REPS2: variants seen among roughly 807,000 people sequenced by gnomAD.
The protein encoded by REPS2 is ralBP1-associated Eps domain-containing protein 2.
Under a neutral mutation model 53.6 loss-of-function variants are expected in REPS2, and 23 were observed. That is an observed-to-expected ratio of 0.43 (90% CI 0.31 to 0.61). REPS2 has a LOEUF of 0.61. REPS2 is among the 20% of genes least tolerant of loss of function. REPS2 has a pLI of 0.11. For missense variants in REPS2, 446 were observed against 534.9 expected, an observed-to-expected ratio of 0.83 and a Z score of 1.64; for synonymous variants, 238 against 218.6, an observed-to-expected ratio of 1.09 and a Z score of -0.78.
At chrX:16,979,854 C>A (rs992049710) in intron 1 of REPS2, among the ~76,000 whole-genome samples, 1 of 108,145 alleles carries the variant, frequency 9.2e-6, no homozygotes, top group Non-Finnish European at 1.9e-5. Flanking sequence ...TCCAAGAAAT[C>A]GGTGGATAGA....
intron 8 of REPS2, among the ~76,000 whole-genome samples, chrX:17,055,326 C>T (rs1356082207): frequency 1.8e-5 from 1 of 55,127 alleles, no homozygotes; most frequent in African/African-American, 7.2e-5. Context: ...ATGGTAGTTT[C>T]TTTTGCTGTG....
chrX:17,087,251 C>G (rs1047575379), intron 13 of REPS2, among the ~76,000 whole-genome samples: 1 of 112,088 alleles, frequency 8.9e-6, no homozygotes, highest in Non-Finnish European at 1.9e-5. Flanking sequence ...GATCACTTCC[C>G]TACTCAAAAC....
intron 14 of REPS2, among the ~76,000 whole-genome samples, chrX:17,128,237 G>A (rs1445793967): frequency 2.7e-5 from 3 of 111,525 alleles, no homozygotes; most frequent in African/African-American, 9.8e-5. Flanking sequence ...GAAAAGTAGG[G>A]AAGGGGAAGG....
the REPS2 span, among the ~76,000 whole-genome samples, chrX:17,165,905 A>G: frequency 9.0e-6 from 1 of 111,700 alleles, no homozygotes; most frequent in Non-Finnish European, 1.9e-5. Context: ...GCACTGATAT[A>G]TATGTGAACA....
In REPS2 at chrX:17,093,830, A is replaced by G. The variant is rs367768522; in HGVS notation, c.1517-9888A>G. On this transcript the variant is annotated intron_variant, in intron 13 of 17. Transcript: ENST00000357277. ...TTGTTTGCCTTGGAGTGAATAATCA[A>G]CTTGTTTCTTTTCAAAGTACTTGCC... Among the ~76,000 whole-genome samples the G allele has an allele frequency of 2.7e-4, 30 of 110,941 alleles. No individual in the cohort carries two copies. In the East Asian group the frequency reaches 7.9e-3, roughly 29 times the overall value.
intron 14 of REPS2, among the ~76,000 whole-genome samples, chrX:17,110,279 G>A (rs113929586): frequency 0.024 from 2,583 of 107,475 alleles, 85 homozygotes; most frequent in African/African-American, 0.085. Context: ...TTTGTCTGAA[G>A]TGCTTGGGAC....
At chrX:17,134,116 C>T (rs1487635211) in intron 15 of REPS2, among the ~76,000 whole-genome samples, 1 of 111,657 alleles carries the variant, frequency 9.0e-6, no homozygotes, top group East Asian at 2.8e-4. Flanking sequence ...CATGACAGTA[C>T]ATACTCAACC....
rs1388633138 is a variant in REPS2, at chrX:17,153,108, G to GTCCT, written c.*5628_*5631dup. 5 of 112,412 alleles carry GTCCT rather than the reference G, an allele frequency of 4.4e-5. No individual in the cohort carries two copies. The East Asian group carries it at 1.1e-3, about 25-fold the overall frequency. 9.3% of individuals were successfully genotyped at this position (112,412 alleles called of 1,213,427 possible). On this transcript the variant is annotated 3_prime_UTR_variant, in exon 18 of 18. Transcript: ENST00000357277. ...ATGTATATTGACCTTAAACATAGGT[G>GTCCT]TCCTATATTTGGATTGTGACTTGTA... is the stretch of plus-strand genomic sequence containing the variant.
intron 1 of REPS2, among the ~76,000 whole-genome samples, chrX:16,994,427 A>C (rs1163477573): frequency 1.8e-5 from 2 of 111,116 alleles, no homozygotes; most frequent in Admixed American, 1.9e-4. Flanking sequence ...ATATGCACAC[A>C]CACATATATA....
At chrX:17,097,560 A>G (rs1332080372) in intron 13 of REPS2, among the ~76,000 whole-genome samples, 1 of 112,282 alleles carries the variant, frequency 8.9e-6, no homozygotes, top group Non-Finnish European at 1.9e-5. Flanking sequence ...GATATGCCCA[A>G]AGAAAGTAAA....
In REPS2 at chrX:17,013,275, CTT is replaced by C. The variant is rs899704320; in HGVS notation, c.397+6932_397+6933del. ...GCCTTCTGTAAAATAAGGATCAAGA[CTT>C]AGGAACTCTAATCCTGCTGCCTTGC... On this transcript the variant is annotated intron_variant, in intron 2 of 17. Coordinates refer to ENST00000357277, the MANE Select transcript of REPS2 (RefSeq NM_004726.3). Among the ~76,000 whole-genome samples, 7 of 112,305 alleles carry C rather than the reference CTT, an allele frequency of 6.2e-5. No individual in the cohort carries two copies. In the Admixed American group the frequency reaches 6.6e-4, roughly 11 times the overall value.
At chrX:17,008,703 A>G (rs2061391039) in intron 2 of REPS2, among the ~76,000 whole-genome samples, 1 of 111,830 alleles carries the variant, frequency 8.9e-6, no homozygotes, top group Admixed American at 9.5e-5. Flanking sequence ...GTTGCTTGAA[A>G]TCTATTAGCT....
intron 14 of REPS2, among the ~76,000 whole-genome samples, chrX:17,131,216 G>A (rs1367070545): frequency 9.0e-6 from 1 of 111,561 alleles, no homozygotes; most frequent in African/African-American, 3.3e-5. Flanking sequence ...TGAGGGATAA[G>A]AGGAGTCAAA....
the REPS2 span, among the ~76,000 whole-genome samples, chrX:17,179,519 T>C: frequency 8.9e-6 from 1 of 111,788 alleles, no homozygotes; most frequent in South Asian, 3.8e-4. Context: ...ATCTTGAAAG[T>C]AGATCTTCCA....
intron 3 of REPS2, among the ~76,000 whole-genome samples, chrX:17,022,613 C>T (rs1338494283): frequency 8.9e-6 from 1 of 111,978 alleles, no homozygotes; most frequent in African/African-American, 3.2e-5. Context: ...TTCTCTTCTC[C>T]AAAAAGAAGT....
In REPS2 at chrX:17,099,945, G is replaced by T; in HGVS notation, c.1517-3773G>T. 3.5e-6 allele frequency: 4 copies of T among 1,146,721 alleles called. No homozygotes were observed. The South Asian group carries it at 7.2e-5, about 21-fold the overall frequency. The allele number at this position is 1,146,721 out of a possible 1,213,427, so 94.5% of individuals were successfully genotyped here. On this transcript the variant is annotated intron_variant, in intron 13 of 17. Coordinates refer to ENST00000357277, the MANE Select transcript of REPS2 (RefSeq NM_004726.3). ...GAACATGAGCTCTCCACTGGAGTCT[G>T]TAGCTCCAATAATCTGCTCCGGCTC...
At chrX:17,176,780 A>G in the REPS2 span, among the ~76,000 whole-genome samples, 3 of 112,548 alleles carry the variant, frequency 2.7e-5, no homozygotes, top group East Asian at 5.6e-4. Flanking sequence ...CACTTTGGCT[A>G]AAGACCATGG....
intron 4 of REPS2, among the ~76,000 whole-genome samples, chrX:17,026,538 T>C (rs1482802645): frequency 1.9e-5 from 2 of 108,003 alleles, no homozygotes; most frequent in Non-Finnish European, 1.9e-5. Flanking sequence ...TTTGTTCTAC[T>C]GAGTCAGCCT....
At chrX:17,020,076 G>A (rs1033897312) in intron 2 of REPS2, among the ~76,000 whole-genome samples, 2 of 111,739 alleles carry the variant, frequency 1.8e-5, no homozygotes, top group African/African-American at 6.5e-5. Flanking sequence ...GGAGAGAGGT[G>A]GTTTTCTAGG....
Sources: gnomAD v4.1 joint callset for allele counts (sites outside exome capture counted in the v4.1 genomes callset) on GRCh38, gnomAD v4.1.1 for gene constraint, MANE v1.5 for transcripts, NCBI Gene and HGNC (gene_info 2026-07-23, HGNC 2026-07-21) for gene names.